ZNF804A: variants seen among roughly 807,000 people sequenced by gnomAD.
ZNF804A encodes the protein zinc finger protein 804A.
Under a neutral mutation model 16.5 loss-of-function variants are expected in ZNF804A, and 2 were observed. That is an observed-to-expected ratio of 0.12 (90% CI 0.05 to 0.38). ZNF804A has a LOEUF of 0.38. Among genes scored for constraint, ZNF804A ranks in the 10% least tolerant of loss-of-function variants. ZNF804A has a pLI of 0.99. For missense variants in ZNF804A, 1,473 were observed against 1,390.7 expected, an observed-to-expected ratio of 1.06 and a Z score of -0.94; for synonymous variants, 534 against 489.6, an observed-to-expected ratio of 1.09 and a Z score of -1.20.
intron 1 of ZNF804A, among the ~76,000 whole-genome samples, chr2:184,735,554 A>G (rs984250145): frequency 6.6e-6 from 1 of 152,222 alleles, no homozygotes; most frequent in Non-Finnish European, 1.5e-5. Context: ...ACAAACCTGC[A>G]TGTTCTGCAC....
chr2:184,863,865 A>G (rs547717897), intron 1 of ZNF804A, among the ~76,000 whole-genome samples: 1 of 152,288 alleles, frequency 6.6e-6, no homozygotes, highest in South Asian at 2.1e-4. Context: ...TCAATAAGCA[A>G]TTTGGGTCTA....
chr2:184,626,973 C>T (rs1191231691), intron 1 of ZNF804A, among the ~76,000 whole-genome samples: 1 of 151,792 alleles, frequency 6.6e-6, no homozygotes, highest in African/African-American at 2.4e-5. Flanking sequence ...ACTTCTTTAC[C>T]CATAGATAAA....
chr2:184,609,318 A>G (rs1691200625), intron 1 of ZNF804A, among the ~76,000 whole-genome samples: 1 of 152,204 alleles, frequency 6.6e-6, no homozygotes, highest in African/African-American at 2.4e-5. Flanking sequence ...TACTGCTGTG[A>G]CACTGAATTA....
At chr2:184,904,021 A>G (rs752659610) in intron 2 of ZNF804A, among the ~76,000 whole-genome samples, 1 of 152,106 alleles carries the variant, frequency 6.6e-6, no homozygotes, top group South Asian at 2.1e-4. Flanking sequence ...TATTCAGTAA[A>G]CTTGCAGGAT....
intron 2 of ZNF804A, among the ~76,000 whole-genome samples, chr2:184,893,413 G>C (rs564592701): frequency 6.6e-6 from 1 of 151,984 alleles, no homozygotes; most frequent in Non-Finnish European, 1.5e-5. Flanking sequence ...GAGTTTATAT[G>C]CTTGTAAGAT....
intron 2 of ZNF804A, among the ~76,000 whole-genome samples, chr2:184,905,242 G>A (rs1685251757): frequency 6.6e-6 from 1 of 152,056 alleles, no homozygotes; most frequent in East Asian, 1.9e-4. Context: ...AAGATTCAAA[G>A]CACTTCCTTT....
chr2:184,791,607 C>G (rs997518868), intron 1 of ZNF804A, among the ~76,000 whole-genome samples: 2 of 152,062 alleles, frequency 1.3e-5, no homozygotes, highest in Non-Finnish European at 2.9e-5. Flanking sequence ...CTACTTCCCC[C>G]AACCTCACTC....
chr2:184,610,353 T>C (rs1691216144), intron 1 of ZNF804A, among the ~76,000 whole-genome samples: 1 of 152,212 alleles, frequency 6.6e-6, no homozygotes, highest in Non-Finnish European at 1.5e-5. Context: ...GTAAGTTTTG[T>C]TGCAAATACT....
intron 1 of ZNF804A, among the ~76,000 whole-genome samples, chr2:184,785,459 C>A (rs1317017306): frequency 6.6e-6 from 1 of 151,904 alleles, no homozygotes; most frequent in Non-Finnish European, 1.5e-5. Context: ...CCCTTATCAT[C>A]ACACCGCTGG....
chr2:184,874,263 T>A (rs1180595867), intron 2 of ZNF804A, among the ~76,000 whole-genome samples: 1 of 152,262 alleles, frequency 6.6e-6, no homozygotes, highest in African/African-American at 2.4e-5. Flanking sequence ...GATGATGGGA[T>A]ACCATAGGAG....
chr2:184,604,805 C>G (rs955641626), intron 1 of ZNF804A, among the ~76,000 whole-genome samples: 1 of 152,126 alleles, frequency 6.6e-6, no homozygotes, highest in Non-Finnish European at 1.5e-5. Context: ...ATATTTTATT[C>G]TGTAGTACCT....
intron 2 of ZNF804A, among the ~76,000 whole-genome samples, chr2:184,907,768 T>C (rs1315315550): frequency 6.6e-6 from 1 of 152,124 alleles, no homozygotes; most frequent in African/African-American, 2.4e-5. Context: ...ATTTAAACAA[T>C]AATAATAGCA....
At chr2:184,743,648 G>C (rs1693740666) in intron 1 of ZNF804A, among the ~76,000 whole-genome samples, 1 of 151,720 alleles carries the variant, frequency 6.6e-6, no homozygotes. Flanking sequence ...TATCAAATTA[G>C]AAAATATAGG....
chr2:184,684,788 T>G (rs537482924), intron 1 of ZNF804A, among the ~76,000 whole-genome samples: 1 of 152,164 alleles, frequency 6.6e-6, no homozygotes, highest in Non-Finnish European at 1.5e-5. Flanking sequence ...AGCTCCCACT[T>G]ATAAGTGAGA....
At chr2:184,780,033 C>T (rs1694350020) in intron 1 of ZNF804A, among the ~76,000 whole-genome samples, 1 of 151,728 alleles carries the variant, frequency 6.6e-6, no homozygotes, top group Non-Finnish European at 1.5e-5. Flanking sequence ...TTCACAGGTT[C>T]ACGACCATTC....
intron 1 of ZNF804A, among the ~76,000 whole-genome samples, chr2:184,753,121 A>T (rs573054593): frequency 6.6e-5 from 10 of 151,784 alleles, no homozygotes; most frequent in African/African-American, 2.4e-4. Flanking sequence ...GGCCCAGGAG[A>T]TGACCTGATG....
At chr2:184,775,715 T>C (rs759521530) in intron 1 of ZNF804A, among the ~76,000 whole-genome samples, 8 of 151,636 alleles carry the variant, frequency 5.3e-5, no homozygotes, top group Non-Finnish European at 8.9e-5. Flanking sequence ...GAATACTTAG[T>C]ATCTGTAATG....
intron 1 of ZNF804A, among the ~76,000 whole-genome samples, chr2:184,673,658 G>A (rs1458453385): frequency 6.6e-6 from 1 of 152,100 alleles, no homozygotes; most frequent in Non-Finnish European, 1.5e-5. Context: ...AATCTATTAA[G>A]TATTGCTTTG....
Position 184,937,657 on chromosome 2 carries a change from T to C in ZNF804A, c.2261T>C (p.Val754Ala). ...AAACACATGAGTCAGAATCAGGCTG[T>C]TAAAAGAGGTTACAATTCTGTCATG... ...DMKHMSQNQA[V>A]KRGYNSVMNE... The change falls in exon 4 of 4, where the codon GTT becomes GCT. Residue 754 changes from valine to alanine, a missense_variant. Val to Ala is a moderately conservative substitution (Grantham distance 64, BLOSUM62 0). Coordinates refer to ENST00000302277, the MANE Select transcript of ZNF804A (RefSeq NM_194250.2). 6.2e-7 allele frequency: 1 copy of C among 1,614,008 alleles called. No individual in the cohort carries two copies. The highest frequency in any genetic ancestry group is 8.5e-7 in the Non-Finnish European group (1 of 1,179,966).
Sources: allele counts gnomAD v4.1 joint callset (sites outside exome capture counted in the v4.1 genomes callset), GRCh38; gene constraint gnomAD v4.1.1; transcripts MANE v1.5; gene names NCBI Gene and HGNC (gene_info 2026-07-23, HGNC 2026-07-21).